The following SAMMSON variants were observed in gnomAD, a reference collection of about 807,000 sequenced individuals.
SAMMSON encodes survival associated mitochondrial melanoma specific oncogenic non-coding RNA.
At chr3:70,168,708 G>A (rs1283004853) in intron 4 of SAMMSON, among the ~76,000 whole-genome samples, 1 of 151,880 alleles carries the variant, frequency 6.6e-6, no homozygotes, top group Non-Finnish European at 1.5e-5. Flanking sequence ...AGGCGTACGT[G>A]GAGTGGAGTG....
chr3:70,326,186 T>C (rs902776971), intron 7 of SAMMSON, among the ~76,000 whole-genome samples: 2 of 152,070 alleles, frequency 1.3e-5, no homozygotes, highest in South Asian at 4.1e-4. Context: ...CTTCTGCCAT[T>C]CTTTCTGTCT....
intron 7 of SAMMSON, among the ~76,000 whole-genome samples, chr3:70,345,879 A>T (rs1476504578): frequency 2.0e-5 from 3 of 152,232 alleles, no homozygotes; most frequent in African/African-American, 7.2e-5. Flanking sequence ...CAGTTTGATT[A>T]TACATTCATC....
chr3:70,056,668 T>C (rs1430035216), intron 3 of SAMMSON, among the ~76,000 whole-genome samples: 1 of 152,044 alleles, frequency 6.6e-6, no homozygotes, highest in African/African-American at 2.4e-5. Flanking sequence ...ATAGTGTATC[T>C]ATTAAAATGT....
intron 9 of SAMMSON, among the ~76,000 whole-genome samples, chr3:70,371,324 A>G (rs992774933): frequency 6.6e-6 from 1 of 151,886 alleles, no homozygotes. Context: ...TATGAATTTT[A>G]GGATTTTTTT....
chr3:70,126,254 C>G, intron 4 of SAMMSON: 1 of 1,005,654 alleles, frequency 9.9e-7, no homozygotes, highest in Non-Finnish European at 1.5e-6. Context: ...GGTCATCAGA[C>G]CTTTTTTTTT....
At chr3:70,373,613 A>G (rs1055800985) in intron 9 of SAMMSON, among the ~76,000 whole-genome samples, 4 of 152,108 alleles carry the variant, frequency 2.6e-5, no homozygotes, top group Non-Finnish European at 5.9e-5. Flanking sequence ...TAGATTTCTC[A>G]TTATGGTCCA....
At chr3:70,236,417 T>A (rs1212001546) in intron 4 of SAMMSON, among the ~76,000 whole-genome samples, 1 of 152,230 alleles carries the variant, frequency 6.6e-6, no homozygotes, top group Non-Finnish European at 1.5e-5. Flanking sequence ...TCTAAAGAGT[T>A]CTACCTGCCT....
intron 7 of SAMMSON, among the ~76,000 whole-genome samples, chr3:70,336,185 C>A (rs1233698843): frequency 6.6e-6 from 1 of 151,990 alleles, no homozygotes; most frequent in African/African-American, 2.4e-5. Context: ...TAATATATAT[C>A]ATGGCTTTAG....
At chr3:70,321,231 A>T (rs575037651) in intron 7 of SAMMSON, among the ~76,000 whole-genome samples, 3 of 152,158 alleles carry the variant, frequency 2.0e-5, no homozygotes, top group African/African-American at 7.2e-5. Context: ...ACATTTCCTC[A>T]ACCCTTTGTA....
At chr3:70,066,129 G>A (rs916954896) in intron 3 of SAMMSON, among the ~76,000 whole-genome samples, 2 of 152,090 alleles carry the variant, frequency 1.3e-5, no homozygotes, top group East Asian at 3.9e-4. Context: ...GGGTTGCCAA[G>A]TTAGGCAAGA....
chr3:70,352,964 A>T (rs1186679688), intron 7 of SAMMSON, among the ~76,000 whole-genome samples: 1 of 152,110 alleles, frequency 6.6e-6, no homozygotes, highest in Non-Finnish European at 1.5e-5. Context: ...AGATAAATAA[A>T]CAATTCAATG....
intron 6 of SAMMSON, among the ~76,000 whole-genome samples, chr3:70,269,517 C>CT (rs139928744): frequency 0.15 from 22,224 of 152,092 alleles, 1,764 homozygotes; most frequent in East Asian, 0.23. Flanking sequence ...ATATCATTTT[C>CT]TTTTTTCTGT....
At chr3:70,325,301 C>T (rs991243056) in intron 7 of SAMMSON, among the ~76,000 whole-genome samples, 1 of 152,122 alleles carries the variant, frequency 6.6e-6, no homozygotes, top group African/African-American at 2.4e-5. Context: ...AAGTGAGTTG[C>T]TTCTCTGTTG....
intron 4 of SAMMSON, among the ~76,000 whole-genome samples, chr3:70,089,470 A>C (rs941231819): frequency 2.0e-5 from 3 of 151,678 alleles, no homozygotes; most frequent in Admixed American, 6.6e-5. Flanking sequence ...TTAGGATTCA[A>C]ACTCAGAAAG....
chr3:70,395,644 C>A (rs964702799), intron 2 of SAMMSON, among the ~76,000 whole-genome samples: 4 of 152,048 alleles, frequency 2.6e-5, no homozygotes, highest in Non-Finnish European at 4.4e-5. Flanking sequence ...CCAACCCTGG[C>A]AAAGCAGCTA....
intron 4 of SAMMSON, among the ~76,000 whole-genome samples, chr3:70,108,298 T>C (rs2067374820): frequency 6.6e-6 from 1 of 151,834 alleles, no homozygotes; most frequent in African/African-American, 2.4e-5. Flanking sequence ...TATAAGAACG[T>C]GGGGAAAGGG....
intron 3 of SAMMSON, among the ~76,000 whole-genome samples, chr3:70,039,635 A>G (rs73836014): frequency 0.02 from 2,828 of 141,924 alleles, 101 homozygotes; most frequent in African/African-American, 0.069. Flanking sequence ...ACACACACAC[A>G]CACACACACT....
At chr3:70,154,814 T>C (rs2067585597) in intron 4 of SAMMSON, among the ~76,000 whole-genome samples, 1 of 152,042 alleles carries the variant, frequency 6.6e-6, no homozygotes, top group Non-Finnish European at 1.5e-5. Context: ...CATGCTACTT[T>C]TGTTGACTTT....
At chr3:70,129,669 C>T (rs1289317501) in intron 4 of SAMMSON, among the ~76,000 whole-genome samples, 3 of 152,100 alleles carry the variant, frequency 2.0e-5, no homozygotes, top group African/African-American at 7.2e-5. Context: ...AGATATGAAA[C>T]TAACCCTAAT....
Sources: allele counts gnomAD v4.1 joint callset (sites outside exome capture counted in the v4.1 genomes callset), GRCh38; gene constraint gnomAD v4.1.1; transcripts MANE v1.5; gene names NCBI Gene and HGNC (gene_info 2026-07-23, HGNC 2026-07-21).